The following FBXW8 variants were observed in gnomAD, a reference collection of about 807,000 sequenced individuals.
The protein encoded by FBXW8 is F-box and WD repeat domain containing 8, also known as F-box/WD repeat-containing protein 8.
FBXW8 carries 57 observed loss-of-function variants against 65.3 expected under a neutral mutation model. The observed-to-expected ratio is 0.87, with a 90% confidence interval of 0.71 to 1.09. The LOEUF (loss-of-function observed/expected upper bound fraction) is 1.09. Ranked by LOEUF, FBXW8 falls within the 50% of genes least tolerant of loss-of-function variation. The pLI is 0.00. For synonymous variants in FBXW8, 308 were observed against 330.2 expected, an observed-to-expected ratio of 0.93 and a Z score of 0.73; for missense variants, 777 against 814.8, an observed-to-expected ratio of 0.95 and a Z score of 0.57.
intron 1 of FBXW8, among the ~76,000 whole-genome samples, chr12:116,912,536 T>G (rs1880063276): frequency 1.3e-5 from 2 of 149,602 alleles, no homozygotes. Context: ...CTCGGCTCAC[T>G]GCAAGTTCCG....
intron 1 of FBXW8, among the ~76,000 whole-genome samples, chr12:116,912,451 CTTTTTT>C (rs34430069): frequency 1.2e-5 from 1 of 86,482 alleles, no homozygotes; most frequent in Non-Finnish European, 2.4e-5. Context: ...GAGAATCATT[CTTTTTT>C]TTTTTTTTTT....
chr12:117,024,393 A>AG (rs1303547367), intron 9 of FBXW8, 73 bp downstream of exon 9: 1 of 1,561,076 alleles, frequency 6.4e-7, no homozygotes, highest in East Asian at 2.3e-5. Context: ...AGCCTGCACC[A>AG]GGCACGGTGC....
At chr12:116,947,117 C>T (rs1284723335) in intron 3 of FBXW8, among the ~76,000 whole-genome samples, 2 of 152,000 alleles carry the variant, frequency 1.3e-5, no homozygotes, top group Admixed American at 1.3e-4. Flanking sequence ...GCAGAAGTGA[C>T]GATATTTTAA....
chr12:116,993,234 GC>G (rs1264864250), intron 7 of FBXW8, among the ~76,000 whole-genome samples: 1 of 150,152 alleles, frequency 6.7e-6, no homozygotes, highest in Non-Finnish European at 1.5e-5. Flanking sequence ...CTCCCGAGTA[GC>G]TGGGATTACA....
intron 8 of FBXW8, among the ~76,000 whole-genome samples, chr12:117,018,146 C>A (rs1488437521): frequency 6.6e-6 from 1 of 152,100 alleles, no homozygotes; most frequent in East Asian, 1.9e-4. Flanking sequence ...GTTCTGGTGT[C>A]TTTTGTTTTA....
chr12:116,978,510 G>GATTGCC (rs1565923500), intron 5 of FBXW8: 1 of 152,210 alleles, frequency 6.6e-6, no homozygotes, highest in East Asian at 1.9e-4. Flanking sequence ...TAGAAATTGA[G>GATTGCC]ATTGCCAGCT....
chr12:117,007,261 GA>G (rs11293344), intron 7 of FBXW8, among the ~76,000 whole-genome samples: 6,518 of 145,608 alleles, frequency 0.045, 444 homozygotes, highest in African/African-American at 0.15. Context: ...AGATCTCTAA[GA>G]AAAAAAAAAA....
At chr12:117,006,966 G>T (rs1565938559) in intron 7 of FBXW8, among the ~76,000 whole-genome samples, 1 of 152,192 alleles carries the variant, frequency 6.6e-6, no homozygotes, top group Non-Finnish European at 1.5e-5. Flanking sequence ...AAGGAGTTGT[G>T]AAATAATCCC....
chr12:117,025,056 C>G (rs954391625), intron 9 of FBXW8, among the ~76,000 whole-genome samples: 1 of 152,098 alleles, frequency 6.6e-6, no homozygotes, highest in Admixed American at 6.5e-5. Context: ...CCAGGGCTGG[C>G]TCATCAGAGC....
Position 117,029,154 on chromosome 12 carries a change from C to CA in FBXW8, c.*988dup, listed in dbSNP as rs1266987844. 2 of 152,162 alleles carry CA rather than the reference C, an allele frequency of 1.3e-5. No homozygotes were observed. The highest frequency in any genetic ancestry group is 4.8e-5 in the African/African-American group (2 of 41,418). 9.4% of individuals were successfully genotyped at this position (152,162 alleles called of 1,614,324 possible). On this transcript the variant is annotated 3_prime_UTR_variant, in exon 11 of 11. Coordinates refer to ENST00000652555, the MANE Select transcript of FBXW8 (RefSeq NM_153348.3). The stretch of plus-strand genomic sequence containing the variant: ...ATTTCAAATACACATAGACGATGCA[C>CA]AAAAAACCACCCTGTACGAAGGCCA...
intron 9 of FBXW8, among the ~76,000 whole-genome samples, chr12:117,024,871 C>T (rs754246381): frequency 4.6e-5 from 7 of 152,180 alleles, no homozygotes; most frequent in Admixed American, 2.6e-4. Context: ...CAGGCTCCAA[C>T]GAAGGAGGAA....
intron 7 of FBXW8, among the ~76,000 whole-genome samples, chr12:117,000,006 C>T (rs1479940111): frequency 1.3e-4 from 16 of 121,830 alleles, no homozygotes; most frequent in Non-Finnish European, 2.3e-4. Context: ...TTTTTTGAGA[C>T]GGAGTCTCGC....
intron 4 of FBXW8, among the ~76,000 whole-genome samples, chr12:116,960,020 G>C (rs770765275): frequency 2.4e-4 from 36 of 152,202 alleles, no homozygotes; most frequent in Non-Finnish European, 4.4e-4. Flanking sequence ...GGTTCCAAAG[G>C]CTTACTGACA....
chr12:116,967,713 TG>T (rs1156759669), intron 5 of FBXW8, among the ~76,000 whole-genome samples: 1 of 152,208 alleles, frequency 6.6e-6, no homozygotes, highest in Non-Finnish European at 1.5e-5. Context: ...AAAGAAAGCT[TG>T]GGAAATAATC....
rs778930940 is a variant in FBXW8, at chr12:117,010,371, A to G, written c.1288A>G (p.Asn430Asp). The G allele has an allele frequency of 8.1e-6, 13 of 1,614,176 alleles. No individual in the cohort carries two copies. In the South Asian group the frequency reaches 1.4e-4, roughly 18 times the overall value. ...EAGRRLLKLG[N>D]VLRDFTCVNL... ...AGGACGCCGCCTCTTGAAGCTGGGT[A>G]ACGTTCTCCGTGACTTCACGTGTGT... The change falls in exon 8 of 11, where the codon AAC (asparagine) becomes GAC (aspartate). Residue 430 changes from asparagine (N) to aspartate (D), a missense_variant. Coordinates refer to ENST00000652555, the MANE Select transcript of FBXW8 (RefSeq NM_153348.3).
intron 6 of FBXW8, chr12:116,985,700 T>G: frequency 3.6e-6 from 1 of 278,826 alleles, no homozygotes; most frequent in Non-Finnish European, 6.7e-6. Context: ...TGTGGTTCCT[T>G]GGCCTTCTTC....
intron 8 of FBXW8, among the ~76,000 whole-genome samples, chr12:117,010,985 G>T (rs187261124): frequency 1.3e-3 from 196 of 152,326 alleles, no homozygotes; most frequent in Middle Eastern, 6.8e-3. Context: ...TAGGGAGTCG[G>T]ATTTTCCCGG....
Position 117,030,209 on chromosome 12 carries a change from CAG to C in FBXW8, c.*2038_*2039del, listed in dbSNP as rs1018173426. 5 of 152,326 alleles carry C rather than the reference CAG, an allele frequency of 3.3e-5. No homozygotes were observed. In the South Asian group the frequency reaches 6.2e-4, roughly 19 times the overall value. The allele number at this position is 152,326 out of a possible 1,614,324, so 9.4% of individuals were successfully genotyped here. A position where few individuals can be genotyped will look rare whatever the true frequency, so the allele number is the denominator to read the frequency against. On this transcript the variant is annotated 3_prime_UTR_variant, in exon 11 of 11. Coordinates refer to ENST00000652555, the MANE Select transcript of FBXW8 (RefSeq NM_153348.3). ...CATTCCATATTCATCTCCAACTACA[CAG>C]GGGAACGGAGCAGATAGAGCTGCGA...
chr12:116,913,849 A>G lies in FBXW8; in HGVS notation c.318+2494A>G, dbSNP rs566289432. On this transcript the variant is annotated intron_variant, in intron 1 of 10. Transcript: ENST00000652555. ...ATCTGAATCTATTTCATGTTGTTGG[A>G]AAAGGCCTTCCCTGTCTTCCTGGAA... Among the ~76,000 whole-genome samples, 3 of 152,288 alleles carry G rather than the reference A, an allele frequency of 2.0e-5. No individual in the cohort carries two copies. The East Asian group carries it at 5.8e-4, about 29-fold the overall frequency.
Sources: gnomAD v4.1 joint callset for allele counts (sites outside exome capture counted in the v4.1 genomes callset) on GRCh38, gnomAD v4.1.1 for gene constraint, MANE v1.5 for transcripts, NCBI Gene and HGNC (gene_info 2026-07-23, HGNC 2026-07-21) for gene names.